The following CDH13 variants were observed in gnomAD, a reference collection of about 807,000 sequenced individuals.
CDH13 encodes cadherin 13, also known as cadherin-13.
In CDH13, 24 loss-of-function variants were observed where a neutral mutation model predicts 63.8. The ratio of observed to expected loss-of-function variants is 0.38; its 90% CI spans 0.27 to 0.53. CDH13 has a LOEUF of 0.53. Ranked by LOEUF, CDH13 falls within the 20% of genes least tolerant of loss-of-function variation. CDH13 has a pLI of 0.85. For synonymous variants in CDH13, 503 were observed against 355.3 expected, an observed-to-expected ratio of 1.42 and a Z score of -4.67; for missense variants, 1,049 against 903.1, an observed-to-expected ratio of 1.16 and a Z score of -2.07.
chr16:82,875,774 T>C (rs1208241556), intron 2 of CDH13, among the ~76,000 whole-genome samples: 2 of 152,206 alleles, frequency 1.3e-5, no homozygotes, highest in South Asian at 2.1e-4. Context: ...TTGCATGCAA[T>C]TTAATAGTAA....
intron 3 of CDH13, among the ~76,000 whole-genome samples, chr16:83,112,632 G>A (rs936115657): frequency 6.6e-6 from 1 of 152,124 alleles, no homozygotes; most frequent in Non-Finnish European, 1.5e-5. Flanking sequence ...GTAAATACCT[G>A]AGTGTATTAT....
At chr16:83,518,552 A>G (rs1257690374) in intron 7 of CDH13, among the ~76,000 whole-genome samples, 3 of 142,910 alleles carry the variant, frequency 2.1e-5, no homozygotes, top group Non-Finnish European at 4.6e-5. Context: ...GGCTCACTGC[A>G]AGCTCCGCCT....
rs372252044 is a variant in CDH13, at chr16:83,148,804, A to G, written c.483+23303A>G. Among the ~76,000 whole-genome samples, 25 of 152,284 alleles carry G rather than the reference A, an allele frequency of 1.6e-4. No individual in the cohort carries two copies. The East Asian group carries it at 4.1e-3, about 25-fold the overall frequency. The stretch of plus-strand genomic sequence containing the variant: ...ATACTCCTAATATTTATCCTCAAAG[A>G]CACTATTTAACTCATTCAAAAATAT... On this transcript the variant is annotated intron_variant, in intron 4 of 13. Transcript: ENST00000567109.
chr16:83,341,938 C>G (rs1354139987), intron 5 of CDH13, among the ~76,000 whole-genome samples: 1 of 151,414 alleles, frequency 6.6e-6, no homozygotes, highest in Non-Finnish European at 1.5e-5. Flanking sequence ...CTGAAACATT[C>G]CCTCAGCAAT....
intron 6 of CDH13, among the ~76,000 whole-genome samples, chr16:83,420,476 G>A (rs1171735544): frequency 6.6e-6 from 1 of 152,158 alleles, no homozygotes; most frequent in Admixed American, 6.5e-5. Context: ...GAGTATTTTG[G>A]TAGCTGTGCT....
At chr16:83,046,335 G>A (rs930243784) in intron 3 of CDH13, among the ~76,000 whole-genome samples, 3 of 151,964 alleles carry the variant, frequency 2.0e-5, no homozygotes, top group Middle Eastern at 3.2e-3. Flanking sequence ...GTATGTAGGC[G>A]GCCATCAAAA....
chr16:83,643,297 A>AG lies in CDH13; in HGVS notation c.1102-27493_1102-27492insG, dbSNP rs1555507564. ...TTAGAGTATAATAAAAAAAAAAAAAAAAAAGAAAAAAAAAATTTAACAGAT... is the reference window on the plus strand; with the variant it reads ...TTAGAGTATAATAAAAAAAAAAAAAAGAAAAGAAAAAAAAAATTTAACAGAT... On this transcript the variant is annotated intron_variant, in intron 8 of 13. Coordinates refer to ENST00000567109, the MANE Select transcript of CDH13 (RefSeq NM_001257.5). Among the ~76,000 whole-genome samples the AG allele has an allele frequency of 1.7e-4, 9 of 52,816 alleles. 1 individual carries two copies. Among genetic ancestry groups the AG allele is most frequent in the Non-Finnish European group, 3.1e-4 (8 of 25,838 alleles). 34.6% of individuals were successfully genotyped at this position (52,816 alleles called of 152,430 possible).
At chr16:83,383,688 G>T (rs1422677838) in intron 6 of CDH13, among the ~76,000 whole-genome samples, 2 of 152,002 alleles carry the variant, frequency 1.3e-5, no homozygotes, top group East Asian at 1.9e-4. Context: ...TGTCATATTT[G>T]GCCAGGGGGA....
intron 4 of CDH13, among the ~76,000 whole-genome samples, chr16:83,126,709 G>T (rs566301905): frequency 4.3e-4 from 65 of 152,324 alleles, no homozygotes; most frequent in Non-Finnish European, 6.9e-4. Context: ...TCAGACATTG[G>T]TGAGCCTGGA....
chr16:83,229,797 A>G (rs2039951645), intron 5 of CDH13, among the ~76,000 whole-genome samples: 1 of 152,142 alleles, frequency 6.6e-6, no homozygotes, highest in Non-Finnish European at 1.5e-5. Flanking sequence ...TATATTCTTT[A>G]ACTCAGGAAT....
chr16:82,631,113 T>C (rs936880501), intron 1 of CDH13, among the ~76,000 whole-genome samples: 1 of 152,246 alleles, frequency 6.6e-6, no homozygotes, highest in East Asian at 1.9e-4. Flanking sequence ...GCTTTCTCGC[T>C]AGCTTTCTTC....
chr16:83,450,679 G>C (rs1163671939), intron 6 of CDH13, among the ~76,000 whole-genome samples: 2 of 152,134 alleles, frequency 1.3e-5, no homozygotes, highest in African/African-American at 2.4e-5. Context: ...GGCCATCCTG[G>C]CTAACATAGT....
chr16:83,330,209 A>G (rs1227387439), intron 5 of CDH13, among the ~76,000 whole-genome samples: 1 of 152,168 alleles, frequency 6.6e-6, no homozygotes, highest in Admixed American at 6.5e-5. Flanking sequence ...ACATGTAAAC[A>G]CACACACACA....
At chr16:83,588,828 G>A (rs534031221) in intron 7 of CDH13, among the ~76,000 whole-genome samples, 22 of 152,312 alleles carry the variant, frequency 1.4e-4, no homozygotes, top group African/African-American at 5.1e-4. Context: ...GGCCCCCTGG[G>A]AAGCTGGCAG....
chr16:82,640,983 T>C (rs530180655), intron 1 of CDH13, among the ~76,000 whole-genome samples: 1 of 152,128 alleles, frequency 6.6e-6, no homozygotes, highest in African/African-American at 2.4e-5. Flanking sequence ...GGGGGTTAAG[T>C]TGGTAAATGA....
chr16:83,666,531 T>A (rs556048093), intron 8 of CDH13, among the ~76,000 whole-genome samples: 1 of 152,348 alleles, frequency 6.6e-6, no homozygotes, highest in African/African-American at 2.4e-5. Flanking sequence ...AAATCCCAAA[T>A]GCCTTCCCAT....
chr16:82,671,722 C>A (rs1268658019), intron 1 of CDH13, among the ~76,000 whole-genome samples: 1 of 152,102 alleles, frequency 6.6e-6, no homozygotes, highest in Non-Finnish European at 1.5e-5. Context: ...TTCTAGAACT[C>A]AATTTATCAG....
intron 2 of CDH13, among the ~76,000 whole-genome samples, chr16:82,879,575 A>G (rs922419526): frequency 1.5e-4 from 21 of 142,468 alleles, no homozygotes; most frequent in Non-Finnish European, 2.7e-4. Flanking sequence ...TATTTTATAT[A>G]CAATATTATA....
intron 6 of CDH13, among the ~76,000 whole-genome samples, chr16:83,432,362 G>C (rs1011248787): frequency 1.3e-5 from 2 of 152,164 alleles, no homozygotes; most frequent in African/African-American, 4.8e-5. Flanking sequence ...CTACCCCAAT[G>C]GTAGTTAATA....
Sources: allele counts gnomAD v4.1 joint callset (sites outside exome capture counted in the v4.1 genomes callset), GRCh38; gene constraint gnomAD v4.1.1; transcripts MANE v1.5; gene names NCBI Gene and HGNC (gene_info 2026-07-23, HGNC 2026-07-21).